C10orf90: variants seen among roughly 807,000 people sequenced by gnomAD.
C10orf90 encodes the protein (E2-independent) E3 ubiquitin-conjugating enzyme FATS.
A neutral mutation model predicts 62.5 loss-of-function variants in C10orf90; 56 were observed. The ratio of observed to expected loss-of-function variants is 0.90; its 90% CI spans 0.72 to 1.12. The LOEUF (loss-of-function observed/expected upper bound fraction) is 1.12. Ranked by LOEUF, C10orf90 falls within the 50% of genes most tolerant of loss-of-function variation. The pLI, the probability that C10orf90 is intolerant of heterozygous loss-of-function variation, is 0.00. For synonymous variants in C10orf90, 386 were observed against 340.4 expected (o/e 1.13, Z -1.47); for missense variants, 970 against 880.4 (o/e 1.10, Z -1.29).
intron 2 of C10orf90, among the ~76,000 whole-genome samples, chr10:126,641,888 A>G (rs770571628): frequency 6.6e-6 from 1 of 152,204 alleles, no homozygotes; most frequent in Non-Finnish European, 1.5e-5. Flanking sequence ...CAATTTAACT[A>G]TAAGAAATCC....
At chr10:126,591,757 T>C (rs887632279) in intron 2 of C10orf90, among the ~76,000 whole-genome samples, 9 of 152,256 alleles carry the variant, frequency 5.9e-5, no homozygotes, top group Admixed American at 3.3e-4. Context: ...GAAATCAAAT[T>C]ATCTTTGTTT....
intron 6 of C10orf90, among the ~76,000 whole-genome samples, chr10:126,460,090 C>T (rs1239251280): frequency 1.3e-5 from 2 of 152,230 alleles, no homozygotes; most frequent in Non-Finnish European, 2.9e-5. Flanking sequence ...GTCTTAACTT[C>T]CTATTCCTTG....
intron 2 of C10orf90, among the ~76,000 whole-genome samples, chr10:126,607,469 A>C (rs1845337862): frequency 6.6e-6 from 1 of 152,200 alleles, no homozygotes; most frequent in Admixed American, 6.5e-5. Flanking sequence ...TGATGAACAC[A>C]ATGAGCCTGT....
intron 4 of C10orf90, among the ~76,000 whole-genome samples, chr10:126,477,098 TTTTTTTTTTTTTTTTTTTTTGGA>T (rs1860924659): frequency 9.1e-6 from 1 of 110,010 alleles, no homozygotes; most frequent in Admixed American, 9.9e-5. Flanking sequence ...TTTTTTTTTT[TTTTTTTTTTTTTTTTTTTTTGGA>T]TTTTTGGAGC....
intron 2 of C10orf90, among the ~76,000 whole-genome samples, chr10:126,554,595 T>A (rs1044480484): frequency 1.3e-5 from 2 of 152,210 alleles, no homozygotes; most frequent in African/African-American, 2.4e-5. Context: ...TAGCAATCAC[T>A]CAAAAAATTA....
At chr10:126,563,301 G>C (rs1691099292) in intron 2 of C10orf90, among the ~76,000 whole-genome samples, 1 of 152,194 alleles carries the variant, frequency 6.6e-6, no homozygotes, top group African/African-American at 2.4e-5. Flanking sequence ...GCCTGTGACA[G>C]AATGAGCCTT....
intron 2 of C10orf90, among the ~76,000 whole-genome samples, chr10:126,632,553 T>C (rs1406582380): frequency 1.3e-5 from 2 of 152,024 alleles, no homozygotes; most frequent in Non-Finnish European, 2.9e-5. Flanking sequence ...ACAAATCCTT[T>C]TCAATGCCCA....
At chr10:126,502,570 T>A (rs969635738) in intron 4 of C10orf90, 1 of 250,910 alleles carries the variant, frequency 4.0e-6, no homozygotes, top group Non-Finnish European at 8.0e-6. Flanking sequence ...TGTATGAGTG[T>A]TTGAGATCTG....
At position 126,584,711 on chromosome 10, in the gene C10orf90, G is replaced by T. The variant is rs1238698058; in HGVS notation, c.313+61854C>A. Among the ~76,000 whole-genome samples, 3 of 152,174 alleles carry T rather than the reference G, an allele frequency of 2.0e-5. No homozygotes were observed. In the South Asian group the frequency reaches 6.2e-4, roughly 32 times the overall value. On this transcript the variant is annotated intron_variant, in intron 2 of 9. Coordinates refer to ENST00000488181, the MANE Select transcript of C10orf90 (RefSeq NM_001350921.2). ...TCTCAGAATCCCACTGATTTGAGAG[G>T]AGCTGATTTCTGGAACTTGGAGGTT...
chr10:126,457,427 A>G (rs1437354600), intron 7 of C10orf90, among the ~76,000 whole-genome samples: 1 of 152,188 alleles, frequency 6.6e-6, no homozygotes, highest in Admixed American at 6.5e-5. Context: ...GCAGAATGGC[A>G]CAGCCGGGAG....
At chr10:126,646,914 G>A (rs1056921979) in intron 1 of C10orf90, among the ~76,000 whole-genome samples, 1 of 152,144 alleles carries the variant, frequency 6.6e-6, no homozygotes, top group Admixed American at 6.5e-5. Context: ...TGATTTTGCC[G>A]TGGATTTGGT....
chr10:126,440,711 C>T (rs1858251426), intron 7 of C10orf90, among the ~76,000 whole-genome samples: 1 of 152,164 alleles, frequency 6.6e-6, no homozygotes, highest in African/African-American at 2.4e-5. Context: ...GTTAACATCA[C>T]AGGACTCTGT....
intron 1 of C10orf90, among the ~76,000 whole-genome samples, chr10:126,666,171 T>C (rs574188109): frequency 2.0e-4 from 31 of 152,276 alleles, no homozygotes; most frequent in South Asian, 1.5e-3. Flanking sequence ...CTGTGCATTG[T>C]AGAATATTAG....
At chr10:126,653,359 A>AT (rs1159147639) in intron 1 of C10orf90, among the ~76,000 whole-genome samples, 1 of 152,232 alleles carries the variant, frequency 6.6e-6, no homozygotes, top group African/African-American at 2.4e-5. Context: ...TCTATCAACA[A>AT]ATTTATAGAA....
At chr10:126,596,507 A>G (rs1268773574) in intron 2 of C10orf90, among the ~76,000 whole-genome samples, 1 of 152,196 alleles carries the variant, frequency 6.6e-6, no homozygotes, top group Non-Finnish European at 1.5e-5. Context: ...TTACATCCTG[A>G]CAAATCTATT....
intron 2 of C10orf90, among the ~76,000 whole-genome samples, chr10:126,549,116 C>T (rs1379237275): frequency 6.6e-6 from 1 of 152,092 alleles, no homozygotes; most frequent in Non-Finnish European, 1.5e-5. Context: ...AATTCTTAGA[C>T]ATAACACAAA....
At chr10:126,565,368 T>TATATATATTATA (rs1564874463) in intron 2 of C10orf90, among the ~76,000 whole-genome samples, 6 of 44,796 alleles carry the variant, frequency 1.3e-4, no homozygotes, top group African/African-American at 4.2e-4. Flanking sequence ...TATATATTAT[T>TATATATATTATA]TTATATAATA....
intron 4 of C10orf90, among the ~76,000 whole-genome samples, chr10:126,465,906 T>A (rs1217336326): frequency 1.3e-5 from 2 of 152,194 alleles, no homozygotes. Flanking sequence ...CAGTAAATGC[T>A]TTTAGACTCA....
chr10:126,560,011 C>T (rs2133986613), intron 2 of C10orf90, among the ~76,000 whole-genome samples: 1 of 152,304 alleles, frequency 6.6e-6, no homozygotes, highest in Non-Finnish European at 1.5e-5. Flanking sequence ...AGGCCTCTTT[C>T]CTTTCCTCTC....
Sources: gnomAD v4.1 joint callset for allele counts (sites outside exome capture counted in the v4.1 genomes callset) on GRCh38, gnomAD v4.1.1 for gene constraint, MANE v1.5 for transcripts, NCBI Gene and HGNC (gene_info 2026-07-23, HGNC 2026-07-21) for gene names.